Variants in RCL1 observed in about 807,000 individuals in gnomAD.
RCL1 encodes the protein RNA 3'-terminal phosphate cyclase-like protein.
Under a neutral mutation model 42.4 loss-of-function variants are expected in RCL1, and 24 were observed. That is an observed-to-expected ratio of 0.57 (90% CI 0.41 to 0.80). RCL1 has a LOEUF of 0.80. Among genes scored for constraint, RCL1 ranks in the 30% least tolerant of loss-of-function variants. The probability of loss-of-function intolerance (pLI) is 0.00; values close to 1 mark genes in which losing one functional copy is unlikely to be tolerated. For synonymous variants in RCL1, 228 were observed against 177.3 expected (o/e 1.29, Z -2.27); for missense variants, 578 against 467.9 (o/e 1.24, Z -2.17).
chr9:4,826,165 T>C (rs1816756828), intron 2 of RCL1, among the ~76,000 whole-genome samples: 1 of 152,148 alleles, frequency 6.6e-6, no homozygotes, highest in African/African-American at 2.4e-5. Context: ...GGAGGATTGC[T>C]TGGCTCTGGA....
intron 1 of RCL1, among the ~76,000 whole-genome samples, chr9:4,798,324 A>G (rs1021966093): frequency 9.9e-5 from 15 of 152,226 alleles, no homozygotes; most frequent in African/African-American, 2.9e-4. Flanking sequence ...ATAATTGTTT[A>G]AAGTTGGAAT....
At position 4,860,050 on chromosome 9, in the gene RCL1, A is replaced by G. The variant is rs1587741641; in HGVS notation, c.972-75A>G. The G allele has an allele frequency of 3.2e-5, 34 of 1,060,884 alleles. No individual in the cohort carries two copies. The South Asian group carries it at 6.4e-4, about 20-fold the overall frequency. 65.7% of individuals were successfully genotyped at this position (1,060,884 alleles called of 1,614,324 possible). ...TAGGTCTGGGAGATTAAAACCTTGG[A>G]TTCTAGGTGGTAGAGGATAATTTTT... On this transcript the variant is annotated intron_variant, in intron 8 of 8. Transcript: ENST00000381750.
chr9:4,814,587 T>C (rs1299795550), intron 1 of RCL1, among the ~76,000 whole-genome samples: 1 of 152,242 alleles, frequency 6.6e-6, no homozygotes, highest in Non-Finnish European at 1.5e-5. Context: ...ATAAAAATTG[T>C]TTTCTGGTTG....
intron 5 of RCL1, 103 bp downstream of exon 5, chr9:4,834,368 T>G: frequency 7.5e-7 from 1 of 1,332,214 alleles, no homozygotes; most frequent in Non-Finnish European, 1.0e-6. Flanking sequence ...TATTTACATT[T>G]TAGACTACAA....
chr9:4,820,481 C>T, intron 1 of RCL1, among the ~76,000 whole-genome samples: 1 of 152,212 alleles, frequency 6.6e-6, no homozygotes, highest in East Asian at 1.9e-4. Flanking sequence ...TGCCCATTCT[C>T]TTTCTACTTT....
chr9:4,841,173 A>G, intron 5 of RCL1, 59 bp from the exon 6 acceptor site: 1 of 1,603,626 alleles, frequency 6.2e-7, no homozygotes, highest in Non-Finnish European at 8.5e-7. Flanking sequence ...CAGCTTTATA[A>G]CTGATTTTTC....
chr9:4,801,696 G>A (rs532726656), intron 1 of RCL1, among the ~76,000 whole-genome samples: 3 of 148,754 alleles, frequency 2.0e-5, no homozygotes, highest in Non-Finnish European at 4.4e-5. Context: ...CTAGCTTTAG[G>A]TGCGAGACTT....
In RCL1 at chr9:4,844,677, A is replaced by C; in HGVS notation, c.863A>C (p.Tyr288Ser). 1 of 1,612,762 alleles carries C rather than the reference A, an allele frequency of 6.2e-7. No homozygotes were observed. The highest frequency in any genetic ancestry group is 8.5e-7 in the Non-Finnish European group (1 of 1,179,688). The change falls in exon 7 of 9, where the codon TAC becomes TCC. Residue 288 changes from tyrosine (Y) to serine (S), a missense_variant. Coordinates refer to ENST00000381750, the MANE Select transcript of RCL1 (RefSeq NM_005772.5). ...NCARLLLEEI[Y>S]RGGCVDSTNQ... ...GCCCGGCTGCTGCTGGAGGAAATCT[A>C]CAGGGTATGTCCACAGCTTCCTCTG...
intron 7 of RCL1, among the ~76,000 whole-genome samples, chr9:4,845,536 T>C (rs1315295901): frequency 6.6e-6 from 1 of 152,222 alleles, no homozygotes; most frequent in African/African-American, 2.4e-5. Context: ...GCAGAAAGAA[T>C]AAGATACAGT....
chr9:4,859,801 T>TA (rs891238867), intron 8 of RCL1, among the ~76,000 whole-genome samples: 10 of 151,878 alleles, frequency 6.6e-5, no homozygotes, highest in South Asian at 2.1e-4. Context: ...CCATCTCTTA[T>TA]AAAAAAAAGA....
chr9:4,807,029 A>T (rs1815999581), intron 1 of RCL1, among the ~76,000 whole-genome samples: 1 of 152,172 alleles, frequency 6.6e-6, no homozygotes, highest in Admixed American at 6.5e-5. Context: ...TAATATGTGT[A>T]GAGTTTACAG....
rs905713315 is a variant in RCL1, at chr9:4,793,034, C to T, written c.-58C>T. 1.7e-5 allele frequency: 26 copies of T among 1,554,304 alleles called. No homozygotes were observed. In the African/African-American group the frequency reaches 3.0e-4, roughly 18 times the overall value. On this transcript the variant is annotated 5_prime_UTR_variant, in exon 1 of 9. Coordinates refer to ENST00000381750, the MANE Select transcript of RCL1 (RefSeq NM_005772.5). The stretch of plus-strand genomic sequence containing the variant: ...CCACCACCATCGGAGTCACGAGTCC[C>T]GCGTCTGTCCGAAGTCGCCGCTCTC...
intron 1 of RCL1, among the ~76,000 whole-genome samples, chr9:4,821,551 G>C (rs1816597013): frequency 6.6e-6 from 1 of 152,222 alleles, no homozygotes; most frequent in African/African-American, 2.4e-5. Flanking sequence ...CAAGGTGCTA[G>C]TATCTGGCAA....
chr9:4,844,537 T>C lies in RCL1; in HGVS notation c.723T>C (p.Phe241=), dbSNP rs1280347923. 6.2e-7 allele frequency: 1 copy of C among 1,612,276 alleles called. No individual in the cohort carries two copies. Among genetic ancestry groups the C allele is most frequent in the African/African-American group, 1.3e-5 (1 of 74,978 alleles). Residue 241 remains phenylalanine (F), a synonymous_variant, in exon 7 of 9, where the codon TTT becomes TTC. Transcript: ENST00000381750. ...TTTGTATCTCCAGGTCTCCGGGCTTTGGGTTGTCACTGGTTGCTGAGACCA... is the reference window on the plus strand; with the variant it reads ...TTTGTATCTCCAGGTCTCCGGGCTTCGGGTTGTCACTGGTTGCTGAGACCA... ...KGVNSGKSPG[F]GLSLVAETTS...
chr9:4,801,718 CTTTT>C (rs57255135), intron 1 of RCL1, among the ~76,000 whole-genome samples: 6 of 111,444 alleles, frequency 5.4e-5, no homozygotes, highest in Admixed American at 1.8e-4. Context: ...GGTTGCGATT[CTTTT>C]TTTTTTTTTT....
intron 1 of RCL1, among the ~76,000 whole-genome samples, chr9:4,799,710 A>T (rs1003597781): frequency 6.6e-6 from 1 of 152,094 alleles, no homozygotes; most frequent in Non-Finnish European, 1.5e-5. Context: ...TAAATTAAAA[A>T]AATTTTTAAA....
intron 1 of RCL1, among the ~76,000 whole-genome samples, chr9:4,816,848 G>A (rs1229268219): frequency 3.9e-5 from 6 of 151,960 alleles, no homozygotes; most frequent in Non-Finnish European, 8.8e-5. Context: ...ATGGAGTCTC[G>A]CTCTGTCGTC....
Position 4,812,068 on chromosome 9 carries a change from G to T in RCL1, c.137-11480G>T, listed in dbSNP as rs188520684. On this transcript the variant is annotated intron_variant, in intron 1 of 8. Coordinates refer to ENST00000381750, the MANE Select transcript of RCL1 (RefSeq NM_005772.5). ...TATTTGTATTTTTGTGTGTGTACTG[G>T]TGAGTTCCTTGTATATTCTGGTTAT... Among the ~76,000 whole-genome samples the T allele has an allele frequency of 4.1e-4, 62 of 152,248 alleles. No individual in the cohort carries two copies. In the East Asian group the frequency reaches 9.8e-3, roughly 24 times the overall value.
chr9:4,841,596 A>G (rs1817331737), intron 6 of RCL1, among the ~76,000 whole-genome samples: 1 of 152,244 alleles, frequency 6.6e-6, no homozygotes, highest in South Asian at 2.1e-4. Context: ...TTGGGGAATT[A>G]AAACCTTTAT....
Sources: allele counts gnomAD v4.1 joint callset (sites outside exome capture counted in the v4.1 genomes callset), GRCh38; gene constraint gnomAD v4.1.1; transcripts MANE v1.5; gene names NCBI Gene and HGNC (gene_info 2026-07-23, HGNC 2026-07-21).